Variants in PPM1H observed in about 807,000 individuals in gnomAD.
The protein encoded by PPM1H is protein phosphatase 1H.
A neutral mutation model predicts 54.9 loss-of-function variants in PPM1H; 27 were observed. That is an observed-to-expected ratio of 0.49 (90% CI 0.36 to 0.68). PPM1H has a LOEUF of 0.68. Ranked by LOEUF, PPM1H falls within the 30% of genes least tolerant of loss-of-function variation. PPM1H has a pLI of 0.00. For synonymous variants in PPM1H, 305 were observed against 270.8 expected (o/e 1.13, Z -1.24); for missense variants, 596 against 667.8 (o/e 0.89, Z 1.19).
intron 3 of PPM1H, among the ~76,000 whole-genome samples, chr12:62,800,011 G>T (rs938677322): frequency 3.3e-5 from 5 of 152,088 alleles, no homozygotes; most frequent in African/African-American, 1.2e-4. Context: ...GCCCAGCAAG[G>T]TGCATTTTAA....
chr12:62,711,689 A>AG (rs2076207587), intron 6 of PPM1H, among the ~76,000 whole-genome samples: 1 of 152,134 alleles, frequency 6.6e-6, no homozygotes, highest in Non-Finnish European at 1.5e-5. Flanking sequence ...GAAGGGTCTG[A>AG]GGGGGGAAGA....
intron 1 of PPM1H, among the ~76,000 whole-genome samples, chr12:62,862,597 A>G (rs1869640665): frequency 6.6e-6 from 1 of 152,222 alleles, no homozygotes; most frequent in African/African-American, 2.4e-5. Context: ...GAAATGTAAA[A>G]GAATCTTTGT....
chr12:62,729,168 G>A (rs1159333869), intron 5 of PPM1H, among the ~76,000 whole-genome samples: 1 of 151,000 alleles, frequency 6.6e-6, no homozygotes, highest in African/African-American at 2.5e-5. Flanking sequence ...GGCTGAGGGC[G>A]GCTTACGGGC....
intron 1 of PPM1H, among the ~76,000 whole-genome samples, chr12:62,919,302 T>C (rs112071552): frequency 2.7e-4 from 41 of 152,330 alleles, no homozygotes; most frequent in African/African-American, 9.4e-4. Flanking sequence ...CATCTGAGTA[T>C]AGTTTGTTGG....
intron 1 of PPM1H, among the ~76,000 whole-genome samples, chr12:62,890,717 TACACACACACACAC>T (rs5798665): frequency 0.011 from 1,505 of 143,288 alleles, 31 homozygotes; most frequent in African/African-American, 0.035. Flanking sequence ...TGTGTGTGTA[TACACACACACACAC>T]ACACACACAC....
At chr12:62,677,886 C>T (rs2075996857) in intron 8 of PPM1H, among the ~76,000 whole-genome samples, 1 of 152,236 alleles carries the variant, frequency 6.6e-6, no homozygotes, top group Non-Finnish European at 1.5e-5. Flanking sequence ...ATGCTCAGAA[C>T]TCATCCCAGA....
At chr12:62,866,541 G>A (rs1869782559) in intron 1 of PPM1H, among the ~76,000 whole-genome samples, 1 of 152,048 alleles carries the variant, frequency 6.6e-6, no homozygotes, top group South Asian at 2.1e-4. Flanking sequence ...ATGTCATGAG[G>A]GCACACGGCA....
chr12:62,654,020 T>C (rs542204946), intron 9 of PPM1H, among the ~76,000 whole-genome samples: 7 of 151,818 alleles, frequency 4.6e-5, no homozygotes, highest in African/African-American at 1.4e-4. Flanking sequence ...GGCGGGTGGA[T>C]TAACTCGGGC....
intron 9 of PPM1H, among the ~76,000 whole-genome samples, chr12:62,657,758 G>A (rs2075853222): frequency 6.6e-6 from 1 of 152,114 alleles, no homozygotes; most frequent in Non-Finnish European, 1.5e-5. Context: ...TTTCATATTA[G>A]GGTAATGCAA....
intron 6 of PPM1H, among the ~76,000 whole-genome samples, chr12:62,704,401 T>C (rs1011331303): frequency 2.6e-5 from 4 of 152,182 alleles, no homozygotes; most frequent in African/African-American, 7.2e-5. Flanking sequence ...TTTTGGCTCA[T>C]TGGGTTCCTG....
At position 62,647,151 on chromosome 12, in the gene PPM1H, T is replaced by C. The variant is rs534305639; in HGVS notation, c.*1338A>G. On this transcript the variant is annotated 3_prime_UTR_variant, in exon 10 of 10. Coordinates refer to ENST00000228705, the MANE Select transcript of PPM1H (RefSeq NM_020700.2). ...CCAGCAGAGAAGCAGCAGGTAGATA[T>C]GGCATGCACTGTGCCTGCTGCTGCT... 1.3e-5 allele frequency: 2 copies of C among 152,204 alleles called. No homozygotes were observed. The highest frequency in any genetic ancestry group is 2.4e-5 in the African/African-American group (1 of 41,448). The allele number at this position is 152,204 out of a possible 1,614,324, so 9.4% of individuals were successfully genotyped here. A position where few individuals can be genotyped will look rare whatever the true frequency, so the allele number is the denominator to read the frequency against.
At position 62,801,796 on chromosome 12, in the gene PPM1H, A is replaced by G; in HGVS notation, c.756+20T>C. 6.2e-7 allele frequency: 1 copy of G among 1,612,302 alleles called. No homozygotes were observed. Among genetic ancestry groups the G allele is most frequent in the Non-Finnish European group, 8.5e-7 (1 of 1,178,674 alleles). Reference sequence around the variant, plus strand: ...GGCGCCAGCCTGGCCCTGCTGCCCCAGACTCCCAGGAATACCTACCATTTC... The same window carrying G: ...GGCGCCAGCCTGGCCCTGCTGCCCCGGACTCCCAGGAATACCTACCATTTC... On this transcript the variant is annotated intron_variant, in intron 3 of 9. Coordinates refer to ENST00000228705, the MANE Select transcript of PPM1H (RefSeq NM_020700.2).
intron 4 of PPM1H, among the ~76,000 whole-genome samples, chr12:62,750,280 A>G (rs1259117791): frequency 6.6e-6 from 1 of 152,154 alleles, no homozygotes; most frequent in Non-Finnish European, 1.5e-5. Context: ...GCCACTCCCC[A>G]TCTCTCCTTC....
intron 7 of PPM1H, among the ~76,000 whole-genome samples, chr12:62,692,243 T>C (rs904539994): frequency 6.6e-6 from 1 of 152,132 alleles, no homozygotes; most frequent in Non-Finnish European, 1.5e-5. Context: ...AATGGAGACA[T>C]GGTGGCTTTT....
intron 3 of PPM1H, among the ~76,000 whole-genome samples, chr12:62,794,712 G>A (rs1486297843): frequency 6.6e-6 from 1 of 152,172 alleles, no homozygotes; most frequent in Non-Finnish European, 1.5e-5. Context: ...CTTCCTCCAT[G>A]AGTCTGAAAT....
chr12:62,929,605 T>C (rs760622858), intron 1 of PPM1H, among the ~76,000 whole-genome samples: 3 of 152,104 alleles, frequency 2.0e-5, no homozygotes, highest in Admixed American at 1.3e-4. Context: ...CTGAAACATA[T>C]AGTAAACACC....
At chr12:62,874,932 G>T (rs1849255996) in intron 1 of PPM1H, among the ~76,000 whole-genome samples, 1 of 152,174 alleles carries the variant, frequency 6.6e-6, no homozygotes, top group Admixed American at 6.5e-5. Context: ...CCAAGGAGTG[G>T]AAGGGACACA....
At chr12:62,760,356 G>A (rs1382882931) in intron 4 of PPM1H, among the ~76,000 whole-genome samples, 1 of 152,052 alleles carries the variant, frequency 6.6e-6, no homozygotes, top group Non-Finnish European at 1.5e-5. Context: ...GTGTCACTGA[G>A]TCTTGTGAAT....
chr12:62,847,300 A>C (rs1869010028), intron 1 of PPM1H, among the ~76,000 whole-genome samples: 1 of 152,238 alleles, frequency 6.6e-6, no homozygotes, highest in African/African-American at 2.4e-5. Context: ...GGGTAACCCC[A>C]ATATTCTCTA....
Sources: gnomAD v4.1 joint callset for allele counts (sites outside exome capture counted in the v4.1 genomes callset) on GRCh38, gnomAD v4.1.1 for gene constraint, MANE v1.5 for transcripts, NCBI Gene and HGNC (gene_info 2026-07-23, HGNC 2026-07-21) for gene names.